The following USP31 variants were observed in gnomAD, a reference collection of about 807,000 sequenced individuals.
The protein encoded by USP31 is ubiquitin specific peptidase 31.
In USP31, 44 loss-of-function variants were observed where a neutral mutation model predicts 119.4. The ratio of observed to expected loss-of-function variants is 0.37; its 90% CI spans 0.29 to 0.47. The LOEUF (loss-of-function observed/expected upper bound fraction) is 0.47. USP31 is among the 20% of genes least tolerant of loss of function. USP31 has a pLI of 0.99. For synonymous variants in USP31, 749 were observed against 705.6 expected (o/e 1.06, Z -0.97); for missense variants, 1,643 against 1,730.2 (o/e 0.95, Z 0.89).
intron 1 of USP31, among the ~76,000 whole-genome samples, chr16:23,121,061 G>C (rs963817562): frequency 2.8e-4 from 42 of 152,118 alleles, no homozygotes; most frequent in African/African-American, 9.4e-4. Flanking sequence ...AAATAACCTT[G>C]CATTGACTCA....
intron 13 of USP31, chr16:23,079,583 A>G (rs1188252892): frequency 6.1e-6 from 1 of 164,796 alleles, no homozygotes; most frequent in Non-Finnish European, 1.3e-5. Flanking sequence ...AAAAAAAAGT[A>G]GTTCACAATC....
Position 23,072,135 on chromosome 16 carries a change from T to C in USP31, c.2398A>G (p.Ser800Gly). The change falls in exon 15 of 16, where the codon AGC becomes GGC. Residue 800 changes from serine to glycine, a missense_variant. Around this residue, in one of 5 missense-constraint regions of USP31, gnomAD observed 279 missense variants for 372.2 expected, o/e 0.75. Coordinates refer to ENST00000219689, the MANE Select transcript of USP31 (RefSeq NM_020718.4). ...VSRLPGSKPA[S>G]VTSAASSRRT... ...CTGGAGGAAGCTGCAGAGGTCACGC[T>C]GGCTGGCTTGCTGCCCGGGAGCCGG... is the stretch of plus-strand genomic sequence containing the variant. 1 of 1,612,674 alleles carries C rather than the reference T, an allele frequency of 6.2e-7. No individual in the cohort carries two copies. The highest frequency in any genetic ancestry group is 1.3e-5 in the African/African-American group (1 of 75,034).
At position 23,084,936 on chromosome 16, in the gene USP31, A is replaced by T. The variant is rs772257743; in HGVS notation, c.1754T>A (p.Leu585Gln). 1.9e-6 allele frequency: 3 copies of T among 1,614,176 alleles called. No homozygotes were observed. In the South Asian group the frequency reaches 3.3e-5, roughly 18 times the overall value. ...EYIPDAESVR[L>Q]QRERHHQPQT... ...AGGCTGATGATGACGCTCCCTTTGCAGACGAACACTTTCTGCATCAGGAAT... is the reference window on the plus strand; with the variant it reads ...AGGCTGATGATGACGCTCCCTTTGCTGACGAACACTTTCTGCATCAGGAAT... Residue 585 changes from leucine to glutamine, a missense_variant, in exon 11 of 16, where the codon CTG becomes CAG. Leu to Gln is a moderately radical substitution (Grantham distance 113). This residue lies in a region of USP31 where 279 missense variants were observed against 372.2 expected (regional missense o/e 0.75). Transcript: ENST00000219689.
At chr16:23,078,310 C>CA (rs34288248) in intron 13 of USP31, among the ~76,000 whole-genome samples, 1,231 of 70,252 alleles carry the variant, frequency 0.018, 16 homozygotes, top group Non-Finnish European at 0.021. Context: ...GACTCCGTCG[C>CA]AAAAAAAAAA....
intron 1 of USP31, among the ~76,000 whole-genome samples, chr16:23,137,683 T>C (rs979133124): frequency 6.6e-6 from 1 of 151,766 alleles, no homozygotes; most frequent in Non-Finnish European, 1.5e-5. Context: ...ATCAAAAAGA[T>C]GTCCATACGT....
At position 23,072,138 on chromosome 16, in the gene USP31, C is replaced by T; in HGVS notation, c.2395G>A (p.Ala799Thr). 1 of 1,612,398 alleles carries T rather than the reference C, an allele frequency of 6.2e-7. No homozygotes were observed. Among genetic ancestry groups the T allele is most frequent in the East Asian group, 2.2e-5 (1 of 44,880 alleles). The change falls in exon 15 of 16, where the codon GCC becomes ACC. Residue 799 changes from alanine (A) to threonine (T), a missense_variant. Transcript: ENST00000219689. ...WVSRLPGSKP[A>T]SVTSAASSRR... ...GAGGAAGCTGCAGAGGTCACGCTGGCTGGCTTGCTGCCCGGGAGCCGGCTC... is the reference window on the plus strand; with the variant it reads ...GAGGAAGCTGCAGAGGTCACGCTGGTTGGCTTGCTGCCCGGGAGCCGGCTC...
chr16:23,101,986 A>G (rs1448277914), intron 6 of USP31, among the ~76,000 whole-genome samples: 1 of 149,808 alleles, frequency 6.7e-6, no homozygotes, highest in Non-Finnish European at 1.5e-5. Context: ...AAAAAAAAAA[A>G]AAAAAAAAAC....
At chr16:23,127,402 G>C (rs949953062) in intron 1 of USP31, among the ~76,000 whole-genome samples, 5 of 151,940 alleles carry the variant, frequency 3.3e-5, no homozygotes, top group African/African-American at 1.2e-4. Flanking sequence ...CTGGGCGACA[G>C]AGCAATATTC....
At chr16:23,148,191 A>G (rs550842333) in intron 1 of USP31, among the ~76,000 whole-genome samples, 12 of 152,348 alleles carry the variant, frequency 7.9e-5, no homozygotes, top group Middle Eastern at 3.4e-3. Context: ...ACTTGTTTGC[A>G]GCTCACAACC....
At chr16:23,141,290 T>G (rs543771292) in intron 1 of USP31, among the ~76,000 whole-genome samples, 8 of 152,202 alleles carry the variant, frequency 5.3e-5, no homozygotes, top group African/African-American at 1.9e-4. Context: ...TTTCCAACTA[T>G]AGCGCCTTCT....
At position 23,069,514 on chromosome 16, in the gene USP31, C is replaced by G. The variant is rs1028741176; in HGVS notation, c.2591G>C (p.Arg864Thr). 1.2e-6 allele frequency: 2 copies of G among 1,614,102 alleles called. No individual in the cohort carries two copies. Among genetic ancestry groups the G allele is most frequent in the African/African-American group, 2.7e-5 (2 of 74,928 alleles). Residue 864 changes from arginine (R) to threonine (T), a missense_variant, in exon 16 of 16, where the codon AGA (arginine) becomes ACA (threonine). By Grantham distance (71) the Arg-to-Thr change is moderately conservative. Coordinates refer to ENST00000219689, the MANE Select transcript of USP31 (RefSeq NM_020718.4). ...CTTAGCAGACAGGGACCATGAAGGT[C>G]TCATGCAATTTTCATTGACGGCCAA... is the stretch of plus-strand genomic sequence containing the variant. ...SPLAVNENCM[R>T]PSWSLSAKLQ...
At chr16:23,112,945 T>C (rs1902370483) in intron 1 of USP31, among the ~76,000 whole-genome samples, 1 of 151,802 alleles carries the variant, frequency 6.6e-6, no homozygotes, top group Non-Finnish European at 1.5e-5. Flanking sequence ...GGAGAATCGC[T>C]TGAACCTGGG....
rs1410289785 is a variant in USP31, at chr16:23,149,050, G to A, written c.221C>T (p.Thr74Met). 3 of 1,250,352 alleles carry A rather than the reference G, an allele frequency of 2.4e-6. No homozygotes were observed. Among genetic ancestry groups the A allele is most frequent in the East Asian group, 4.6e-5 (1 of 21,830 alleles). The allele number at this position is 1,250,352 out of a possible 1,614,324, so 77.5% of individuals were successfully genotyped here. A position where few individuals can be genotyped will look rare whatever the true frequency, so the allele number is the denominator to read the frequency against. ...GCCCTCAGAGCTAAGGTGCGAGAGC[G>A]TGGACAGCGTCTTGAGAACGCGGCT... The part of the protein sequence containing the change: ...FMSRVLKTLS[T>M]LSHLSSEGAA... Residue 74 changes from threonine (T) to methionine (M), a missense_variant, in exon 1 of 16, where the codon ACG becomes ATG. Thr to Met is a moderately conservative substitution (Grantham distance 81). Around this residue, in one of 5 missense-constraint regions of USP31, gnomAD observed 302 missense variants for 262.6 expected, o/e 1.15. Coordinates refer to ENST00000219689, the MANE Select transcript of USP31 (RefSeq NM_020718.4).
At chr16:23,131,439 T>C (rs1459885259) in intron 1 of USP31, among the ~76,000 whole-genome samples, 3 of 152,184 alleles carry the variant, frequency 2.0e-5, no homozygotes, top group African/African-American at 4.8e-5. Flanking sequence ...ATTACTGTCA[T>C]AAGCCACCAT....
chr16:23,092,692 A>C (rs1901419946), intron 6 of USP31, among the ~76,000 whole-genome samples: 1 of 152,178 alleles, frequency 6.6e-6, no homozygotes, highest in African/African-American at 2.4e-5. Flanking sequence ...AAACACAAAC[A>C]AGCACCTGGG....
chr16:23,134,466 C>T (rs568894706), intron 1 of USP31, among the ~76,000 whole-genome samples: 2 of 152,076 alleles, frequency 1.3e-5, no homozygotes, highest in Non-Finnish European at 2.9e-5. Context: ...CTCCACTTTA[C>T]ACATGAGGAA....
chr16:23,093,877 G>A (rs529531623), intron 6 of USP31, among the ~76,000 whole-genome samples: 1 of 152,202 alleles, frequency 6.6e-6, no homozygotes, highest in African/African-American at 2.4e-5. Context: ...AAGTGGATCC[G>A]TTCCAAGATG....
At chr16:23,081,345 G>A (rs957838209) in intron 12 of USP31, among the ~76,000 whole-genome samples, 1 of 152,192 alleles carries the variant, frequency 6.6e-6, no homozygotes, top group African/African-American at 2.4e-5. Flanking sequence ...CACAGTGGGT[G>A]CCAAATGCCC....
In USP31 at chr16:23,064,214, TATA is replaced by T. The variant is rs1270061493; in HGVS notation, c.*3829_*3831del. 2 of 152,732 alleles carry T rather than the reference TATA, an allele frequency of 1.3e-5. No individual in the cohort carries two copies. The highest frequency in any genetic ancestry group is 3.9e-4 in the East Asian group (2 of 5,188). The allele number at this position is 152,732 out of a possible 1,614,324, so 9.5% of individuals were successfully genotyped here. A position where few individuals can be genotyped will look rare whatever the true frequency, so the allele number is the denominator to read the frequency against. ...TAGTTAAATCTTTGTATCCAATAATTATAATAACCTACATTGGAAACAATCACT... is the reference window on the plus strand; with the variant it reads ...TAGTTAAATCTTTGTATCCAATAATTATAACCTACATTGGAAACAATCACT... On this transcript the variant is annotated 3_prime_UTR_variant, in exon 16 of 16. Coordinates refer to ENST00000219689, the MANE Select transcript of USP31 (RefSeq NM_020718.4).
Sources: allele counts gnomAD v4.1 joint callset (sites outside exome capture counted in the v4.1 genomes callset), GRCh38; gene constraint gnomAD v4.1.1; regional missense constraint gnomAD v4.1.1; transcripts MANE v1.5; gene names NCBI Gene and HGNC (gene_info 2026-07-23, HGNC 2026-07-21).